NXPE4: variants seen among roughly 807,000 people sequenced by gnomAD.
The protein encoded by NXPE4 is neurexophilin and PC-esterase domain family member 4, also known as NXPE family member 4.
A neutral mutation model predicts 33.3 loss-of-function variants in NXPE4; 42 were observed. That is an observed-to-expected ratio of 1.26 (90% CI 0.98 to 1.63). NXPE4 has a LOEUF of 1.63. Ranked by LOEUF, NXPE4 falls within the 40% of genes most tolerant of loss-of-function variation. The probability of loss-of-function intolerance (pLI) is 0.00; values close to 1 mark genes in which losing one functional copy is unlikely to be tolerated. For synonymous variants in NXPE4, 253 were observed against 234.9 expected, an observed-to-expected ratio of 1.08 and a Z score of -0.71; for missense variants, 709 against 647.6, an observed-to-expected ratio of 1.09 and a Z score of -1.03.
chr11:114,632,273 A>C, the NXPE4 span, among the ~76,000 whole-genome samples: 1 of 139,110 alleles, frequency 7.2e-6, no homozygotes, highest in African/African-American at 2.6e-5. Context: ...ATATATGTAT[A>C]TATACTATAT....
chr11:114,614,198 T>C, the NXPE4 span, among the ~76,000 whole-genome samples: 2 of 146,210 alleles, frequency 1.4e-5, no homozygotes, highest in Non-Finnish European at 3.0e-5. Flanking sequence ...TTATCCACCA[T>C]GTAATGTTAA....
chr11:114,576,246 T>C (rs1948991695), intron 5 of NXPE4, among the ~76,000 whole-genome samples: 1 of 152,144 alleles, frequency 6.6e-6, no homozygotes, highest in Non-Finnish European at 1.5e-5. Context: ...GCCATGAAGA[T>C]TCTAGAAGAT....
At chr11:114,638,283 T>C in the NXPE4 span, among the ~76,000 whole-genome samples, 8 of 152,204 alleles carry the variant, frequency 5.3e-5, no homozygotes, top group East Asian at 1.9e-4. Context: ...GCATTCTTCA[T>C]GTAGTTCTCG....
chr11:114,645,163 G>A, the NXPE4 span, among the ~76,000 whole-genome samples: 9 of 151,928 alleles, frequency 5.9e-5, no homozygotes, highest in Admixed American at 1.3e-4. Context: ...TTAGCTGGGC[G>A]TGATGGCGTG....
At chr11:114,636,267 T>C in the NXPE4 span, among the ~76,000 whole-genome samples, 4 of 152,076 alleles carry the variant, frequency 2.6e-5, no homozygotes, top group East Asian at 1.9e-4. Context: ...GTTTGTAGTA[T>C]TCTCTGATGG....
chr11:114,615,050 G>A, the NXPE4 span, among the ~76,000 whole-genome samples: 6 of 151,844 alleles, frequency 4.0e-5, no homozygotes, highest in African/African-American at 1.2e-4. Context: ...TGGATAATAA[G>A]TGTTGCCTCG....
chr11:114,610,481 T>C, the NXPE4 span, among the ~76,000 whole-genome samples: 1 of 151,920 alleles, frequency 6.6e-6, no homozygotes, highest in South Asian at 2.1e-4. Flanking sequence ...GGGTAACCAC[T>C]GTTACCCAGT....
At chr11:114,631,579 C>T in the NXPE4 span, among the ~76,000 whole-genome samples, 9 of 151,402 alleles carry the variant, frequency 5.9e-5, no homozygotes, top group Admixed American at 1.3e-4. Context: ...GGTTAGATGA[C>T]GAGTTAGTGG....
chr11:114,664,364 T>C, the NXPE4 span, among the ~76,000 whole-genome samples: 923 of 152,236 alleles, frequency 6.1e-3, 5 homozygotes, highest in Non-Finnish European at 7.8e-3. Context: ...CACAAAGGTG[T>C]ATAAGTAAAG....
the NXPE4 span, among the ~76,000 whole-genome samples, chr11:114,652,100 A>G: frequency 6.6e-6 from 1 of 152,122 alleles, no homozygotes; most frequent in Non-Finnish European, 1.5e-5. Context: ...ATTTTTTTTT[A>G]ATCTACTGCC....
the NXPE4 span, among the ~76,000 whole-genome samples, chr11:114,626,934 A>G: frequency 6.6e-5 from 10 of 152,058 alleles, no homozygotes; most frequent in African/African-American, 2.4e-4. Flanking sequence ...GGAAGATGAA[A>G]TGAATGAAAT....
At chr11:114,675,762 A>G in the NXPE4 span, among the ~76,000 whole-genome samples, 1 of 151,968 alleles carries the variant, frequency 6.6e-6, no homozygotes, top group East Asian at 1.9e-4. Flanking sequence ...TGAAACTTAC[A>G]TGGAACCACA....
the NXPE4 span, among the ~76,000 whole-genome samples, chr11:114,653,484 C>T: frequency 2.5e-3 from 380 of 151,246 alleles, 5 homozygotes; most frequent in Admixed American, 0.019. Flanking sequence ...TGCTTGTACT[C>T]CGTATTTCAT....
chr11:114,639,851 AAT>A, the NXPE4 span, among the ~76,000 whole-genome samples: 1 of 99,512 alleles, frequency 1.0e-5, no homozygotes, highest in African/African-American at 4.2e-5. Flanking sequence ...TATAAAATAT[AAT>A]ATATATTATA....
At chr11:114,633,068 T>C in the NXPE4 span, among the ~76,000 whole-genome samples, 1 of 118,212 alleles carries the variant, frequency 8.5e-6, no homozygotes, top group African/African-American at 3.4e-5. Context: ...TTATATTTTG[T>C]TTTTTATAAT....
chr11:114,649,348 G>A, the NXPE4 span, among the ~76,000 whole-genome samples: 190 of 152,248 alleles, frequency 1.2e-3, no homozygotes, highest in African/African-American at 4.3e-3. Flanking sequence ...ATTTTAACTG[G>A]TGAATGGATA....
the NXPE4 span, among the ~76,000 whole-genome samples, chr11:114,640,759 A>G: frequency 6.6e-6 from 1 of 151,992 alleles, no homozygotes; most frequent in Non-Finnish European, 1.5e-5. Context: ...TCTTCTTTTG[A>G]AAAATGTGTG....
At chr11:114,654,341 T>A in the NXPE4 span, among the ~76,000 whole-genome samples, 1 of 151,934 alleles carries the variant, frequency 6.6e-6, no homozygotes, top group Non-Finnish European at 1.5e-5. Context: ...GGATCCCAAC[T>A]ATTTTTTTTT....
chr11:114,585,344 T>C (rs896600545), intron 2 of NXPE4, among the ~76,000 whole-genome samples: 1 of 152,008 alleles, frequency 6.6e-6, no homozygotes. Context: ...GTTGAGTAGA[T>C]TTTAAAAAAA....
Sources: gnomAD v4.1 joint callset for allele counts (sites outside exome capture counted in the v4.1 genomes callset) on GRCh38, gnomAD v4.1.1 for gene constraint, MANE v1.5 for transcripts, NCBI Gene and HGNC (gene_info 2026-07-23, HGNC 2026-07-21) for gene names.